The following GRIK2 variants were observed in gnomAD, a reference collection of about 807,000 sequenced individuals.
GRIK2 encodes glutamate ionotropic receptor kainate type subunit 2.
Under a neutral mutation model 100.3 loss-of-function variants are expected in GRIK2, and 32 were observed. The observed-to-expected ratio is 0.32, with a 90% CI of 0.24 to 0.43. The LOEUF is 0.43. Ranked by LOEUF, GRIK2 falls within the 20% of genes least tolerant of loss-of-function variation. GRIK2 has a pLI of 1.00. For synonymous variants in GRIK2, 417 were observed against 389.4 expected, an observed-to-expected ratio of 1.07 and a Z score of -0.83; for missense variants, 843 against 1,114.9, an observed-to-expected ratio of 0.76 and a Z score of 3.47.
Position 101,475,399 on chromosome 6 carries a change from G to A in GRIK2, c.115+76007G>A, listed in dbSNP as rs143503036. Among the ~76,000 whole-genome samples the A allele has an allele frequency of 4.0e-3, 608 of 152,110 alleles. 3 individuals are homozygous for A. Among genetic ancestry groups the A allele is most frequent in the African/African-American group, 0.014 (575 of 41,558 alleles). ...TATATATTAACATTGTACATGAAAT[G>A]TATTGGAGAGGATGTAGTTTAAAAG... On this transcript the variant is annotated intron_variant, in intron 2 of 16. Coordinates refer to ENST00000369134, the MANE Select transcript of GRIK2 (RefSeq NM_021956.5).
intron 2 of GRIK2, among the ~76,000 whole-genome samples, chr6:101,453,648 T>A (rs1163734281): frequency 6.6e-6 from 1 of 151,930 alleles, no homozygotes; most frequent in Non-Finnish European, 1.5e-5. Flanking sequence ...AATTCTTAAC[T>A]TTTTTGTGAT....
intron 7 of GRIK2, among the ~76,000 whole-genome samples, chr6:101,780,711 C>T (rs1269783647): frequency 6.6e-6 from 1 of 152,096 alleles, no homozygotes; most frequent in African/African-American, 2.4e-5. Context: ...AGAAAAGAGT[C>T]AAGGCAAGGA....
At chr6:101,869,831 T>G (rs1785278013) in intron 11 of GRIK2, among the ~76,000 whole-genome samples, 1 of 151,766 alleles carries the variant, frequency 6.6e-6, no homozygotes, top group Non-Finnish European at 1.5e-5. Context: ...TTTACCGGTA[T>G]AGAGGGGAAT....
chr6:101,760,121 G>A lies in GRIK2; in HGVS notation c.952-39527G>A, dbSNP rs1435037213. Among the ~76,000 whole-genome samples, 4 of 142,122 alleles carry A rather than the reference G, an allele frequency of 2.8e-5. No homozygotes were observed. In the East Asian group the frequency reaches 6.1e-4, roughly 22 times the overall value. The allele number at this position is 142,122 out of a possible 152,430, so 93.2% of individuals were successfully genotyped here. A position where few individuals can be genotyped will look rare whatever the true frequency, so the allele number is the denominator to read the frequency against. On this transcript the variant is annotated intron_variant, in intron 7 of 16. Coordinates refer to ENST00000369134, the MANE Select transcript of GRIK2 (RefSeq NM_021956.5). ...CCTGACCTCATGATCCACCCGCCTC[G>A]GCCTCCCAAAGTGCTGGGATTACAG...
intron 7 of GRIK2, among the ~76,000 whole-genome samples, chr6:101,767,866 A>T (rs1171594295): frequency 5.4e-5 from 8 of 147,634 alleles, no homozygotes; most frequent in Admixed American, 6.7e-5. Context: ...TTTTATTTTT[A>T]TTTTTTTTTG....
At chr6:101,612,769 T>G (rs1779738883) in intron 2 of GRIK2, among the ~76,000 whole-genome samples, 1 of 150,190 alleles carries the variant, frequency 6.7e-6, no homozygotes, top group African/African-American at 2.4e-5. Context: ...CATAGGTCAG[T>G]AAGAAGAAGC....
intron 10 of GRIK2, among the ~76,000 whole-genome samples, chr6:101,842,420 T>C (rs1212442777): frequency 6.6e-6 from 1 of 152,200 alleles, no homozygotes; most frequent in Non-Finnish European, 1.5e-5. Flanking sequence ...TACTTTTCCC[T>C]TCTCTCACAT....
intron 10 of GRIK2, among the ~76,000 whole-genome samples, chr6:101,856,471 G>T (rs1166567572): frequency 6.6e-6 from 1 of 152,112 alleles, no homozygotes; most frequent in Admixed American, 6.6e-5. Flanking sequence ...TATAAATTTT[G>T]AGGTCATCAG....
At position 101,964,181 on chromosome 6, in the gene GRIK2, C is replaced by T. The variant is rs987876; in HGVS notation, c.2085+35549C>T. 2.6e-4 allele frequency among the ~76,000 whole-genome samples: 39 copies of T among 150,392 alleles called. 1 individual carries two copies. In the East Asian group the frequency reaches 7.2e-3, roughly 28 times the overall value. On this transcript the variant is annotated intron_variant, in intron 14 of 16. Coordinates refer to ENST00000369134, the MANE Select transcript of GRIK2 (RefSeq NM_021956.5). The stretch of plus-strand genomic sequence containing the variant: ...AATGTATAATATATACATACTATAT[C>T]ATTACACATATAACATCATATATAA...
intron 12 of GRIK2, among the ~76,000 whole-genome samples, chr6:101,911,972 T>C (rs192734167): frequency 6.6e-6 from 1 of 151,268 alleles, no homozygotes; most frequent in Admixed American, 6.6e-5. Flanking sequence ...TAAGTAAGGA[T>C]TTATTTTCAA....
chr6:101,712,455 A>G (rs1773785373), intron 7 of GRIK2, among the ~76,000 whole-genome samples: 1 of 151,820 alleles, frequency 6.6e-6, no homozygotes, highest in South Asian at 2.1e-4. Context: ...ACTAAGGTGG[A>G]CTGCAATAAA....
chr6:102,011,928 T>TA (rs1264124541), intron 14 of GRIK2, among the ~76,000 whole-genome samples: 5 of 152,146 alleles, frequency 3.3e-5, no homozygotes, highest in African/African-American at 1.2e-4. Context: ...GTGTTATATC[T>TA]AAAAAGTCAT....
chr6:101,466,321 A>G (rs559878154), intron 2 of GRIK2, among the ~76,000 whole-genome samples: 4 of 150,836 alleles, frequency 2.7e-5, no homozygotes, highest in Non-Finnish European at 4.4e-5. Context: ...ATTTTTTATT[A>G]TATATAAATA....
At chr6:101,481,531 T>A (rs140102680) in intron 2 of GRIK2, among the ~76,000 whole-genome samples, 1 of 152,216 alleles carries the variant, frequency 6.6e-6, no homozygotes. Context: ...TAAAATTTCC[T>A]GTTCAGTTAA....
At chr6:101,841,998 G>C (rs1032039886) in intron 10 of GRIK2, among the ~76,000 whole-genome samples, 1 of 152,132 alleles carries the variant, frequency 6.6e-6, no homozygotes, top group Non-Finnish European at 1.5e-5. Flanking sequence ...CTTTAGGTAA[G>C]TTGCCATAAC....
intron 12 of GRIK2, among the ~76,000 whole-genome samples, chr6:101,912,252 C>A (rs1257392254): frequency 1.3e-5 from 2 of 151,182 alleles, no homozygotes; most frequent in African/African-American, 2.4e-5. Context: ...AAATGGTTGG[C>A]AAATAGAACA....
intron 14 of GRIK2, among the ~76,000 whole-genome samples, chr6:101,968,763 A>C (rs372667375): frequency 6.6e-6 from 1 of 151,742 alleles, no homozygotes; most frequent in African/African-American, 2.4e-5. Context: ...TCTGAGGGGA[A>C]AAAATCACTG....
At chr6:101,973,138 C>A (rs561698275) in intron 14 of GRIK2, among the ~76,000 whole-genome samples, 1 of 151,940 alleles carries the variant, frequency 6.6e-6, no homozygotes, top group South Asian at 2.1e-4. Flanking sequence ...TGACCTATCT[C>A]TCAGACATAA....
intron 14 of GRIK2, among the ~76,000 whole-genome samples, chr6:102,016,701 T>G (rs1795855157): frequency 6.6e-6 from 1 of 151,972 alleles, no homozygotes; most frequent in Non-Finnish European, 1.5e-5. Flanking sequence ...GAAAATATAT[T>G]TCAAGATATG....
Sources: gnomAD v4.1 joint callset for allele counts (sites outside exome capture counted in the v4.1 genomes callset) on GRCh38, gnomAD v4.1.1 for gene constraint, MANE v1.5 for transcripts, NCBI Gene and HGNC (gene_info 2026-07-23, HGNC 2026-07-21) for gene names.